Variants in PAQR5 observed in about 807,000 individuals in gnomAD.
The protein encoded by PAQR5 is membrane progestin receptor gamma.
Under a neutral mutation model 34.5 loss-of-function variants are expected in PAQR5, and 20 were observed. That is an observed-to-expected ratio of 0.58 (90% CI 0.41 to 0.84). PAQR5 has a LOEUF of 0.84. Ranked by LOEUF, PAQR5 falls within the 40% of genes least tolerant of loss-of-function variation. PAQR5 has a pLI of 0.00. For synonymous variants in PAQR5, 131 were observed against 155.6 expected (o/e 0.84, Z 1.18); for missense variants, 378 against 412.7 (o/e 0.92, Z 0.73).
At chr15:69,324,645 C>G (rs969759281) in intron 1 of PAQR5, among the ~76,000 whole-genome samples, 7 of 152,272 alleles carry the variant, frequency 4.6e-5, no homozygotes, top group Middle Eastern at 3.4e-3. Flanking sequence ...TTTTCCCAGT[C>G]CCACTAGAGC....
chr15:69,339,181 C>G (rs543265016), intron 2 of PAQR5, among the ~76,000 whole-genome samples: 1 of 148,568 alleles, frequency 6.7e-6, no homozygotes, highest in Non-Finnish European at 1.5e-5. Flanking sequence ...CCCCCCACCC[C>G]GCCACCAAGT....
At chr15:69,387,590 C>T (rs1428354689) in intron 5 of PAQR5, among the ~76,000 whole-genome samples, 1 of 152,214 alleles carries the variant, frequency 6.6e-6, no homozygotes, top group East Asian at 1.9e-4. Context: ...TGAGGTAGGT[C>T]CTAGTGTCAT....
chr15:69,374,046 G>C (rs558802307), intron 3 of PAQR5, among the ~76,000 whole-genome samples: 2 of 149,210 alleles, frequency 1.3e-5, no homozygotes, highest in African/African-American at 5.1e-5. Context: ...AGCCAGAAGA[G>C]ACTTCTTCTG....
At chr15:69,391,486 A>G (rs1169681072) in intron 6 of PAQR5, 1 of 274,952 alleles carries the variant, frequency 3.6e-6, no homozygotes, top group African/African-American at 2.3e-5. Flanking sequence ...GGATGAAGGG[A>G]GGTATAACAG....
At chr15:69,300,571 C>CTT (rs2053511997) in intron 1 of PAQR5, among the ~76,000 whole-genome samples, 1 of 144,720 alleles carries the variant, frequency 6.9e-6, no homozygotes, top group East Asian at 2.1e-4. Flanking sequence ...TTCTTTCTTT[C>CTT]TCTTTCTTTC....
chr15:69,317,467 G>A (rs28396914), intron 1 of PAQR5, among the ~76,000 whole-genome samples: 6 of 152,124 alleles, frequency 3.9e-5, no homozygotes, highest in Non-Finnish European at 4.4e-5. Flanking sequence ...CCCCTACCCA[G>A]GTCCATGCAG....
At chr15:69,305,354 C>G (rs558074072) in intron 1 of PAQR5, among the ~76,000 whole-genome samples, 1 of 152,266 alleles carries the variant, frequency 6.6e-6, no homozygotes, top group South Asian at 2.1e-4. Flanking sequence ...TGTTCTCTTT[C>G]CAGCCCCTGT....
intron 1 of PAQR5, among the ~76,000 whole-genome samples, chr15:69,300,217 A>G (rs2053502192): frequency 6.6e-6 from 1 of 152,130 alleles, no homozygotes; most frequent in Non-Finnish European, 1.5e-5. Context: ...CACAAACTCC[A>G]GTCAGTAAGG....
intron 3 of PAQR5, among the ~76,000 whole-genome samples, chr15:69,367,252 T>A (rs756625587): frequency 1.3e-5 from 2 of 152,242 alleles, no homozygotes; most frequent in African/African-American, 2.4e-5. Context: ...TTTCTTTGGA[T>A]TGAGTTTTAC....
intron 2 of PAQR5, among the ~76,000 whole-genome samples, chr15:69,352,583 G>A (rs2054949726): frequency 6.6e-6 from 1 of 152,218 alleles, no homozygotes; most frequent in African/African-American, 2.4e-5. Flanking sequence ...ACCGGGGCCT[G>A]CCGTCCAGAT....
rs201954386 is a variant in PAQR5 at position 69,380,014 on chromosome 15, C to A, written c.179+4C>A. 175 of 1,613,994 alleles carry A rather than the reference C, an allele frequency of 1.1e-4. No homozygotes were observed. In the East Asian group the frequency reaches 2.8e-3, roughly 25 times the overall value. ...GGACTCACTTGCTGCCCTTCTGGTA[C>A]CTTCTGGCCCCCTCGACCGGCCTGT... On this transcript the variant is annotated splice_donor_region_variant and intron_variant, in intron 4 of 8. Transcript: ENST00000395407.
In PAQR5 at chr15:69,359,972, G is replaced by A. The variant is rs756410431; in HGVS notation, c.-109G>A. The A allele has an allele frequency of 2.4e-5, 19 of 794,944 alleles. No individual in the cohort carries two copies. The highest frequency in any genetic ancestry group is 3.7e-5 in the Non-Finnish European group (17 of 463,182). 49.2% of individuals were successfully genotyped at this position (794,944 alleles called of 1,614,324 possible). On this transcript the variant is annotated 5_prime_UTR_variant, in exon 3 of 9. Coordinates refer to ENST00000395407, the MANE Select transcript of PAQR5 (RefSeq NM_017705.4). ...TCATGCTGTCCTCTTTCAGGGAAGC[G>A]GCACAGCACCAGCTAGGCAGAGACG...
At chr15:69,329,711 C>T (rs1417570251) in intron 1 of PAQR5, among the ~76,000 whole-genome samples, 1 of 151,966 alleles carries the variant, frequency 6.6e-6, no homozygotes, top group Non-Finnish European at 1.5e-5. Context: ...TCTTGAACTC[C>T]TGAGCTCAGG....
intron 3 of PAQR5, among the ~76,000 whole-genome samples, chr15:69,370,563 A>T (rs188232068): frequency 3.3e-5 from 5 of 152,288 alleles, no homozygotes; most frequent in Admixed American, 3.3e-4. Flanking sequence ...CTTGTTGCCC[A>T]GGCTGGAGTG....
rs1017318369 is a variant in PAQR5 at position 69,355,640 on chromosome 15, C to T, written c.-115-4326C>T. Among the ~76,000 whole-genome samples the T allele has an allele frequency of 7.9e-5, 12 of 152,032 alleles. 1 individual carries two copies. In the South Asian group the frequency reaches 2.5e-3, roughly 32 times the overall value. ...TTCACCATGTTGGTCAGGCTGGTCT[C>T]GAACTCCTGACCTCAGGTGATCCAC... On this transcript the variant is annotated intron_variant, in intron 2 of 8. Transcript: ENST00000395407.
chr15:69,381,886 G>A (rs927726684), intron 4 of PAQR5, among the ~76,000 whole-genome samples: 1 of 152,222 alleles, frequency 6.6e-6, no homozygotes, highest in Non-Finnish European at 1.5e-5. Context: ...AAGCTTTGTA[G>A]AGTCTCCTCC....
At position 69,389,770 on chromosome 15, in the gene PAQR5, T is replaced by A; in HGVS notation, c.502T>A (p.Cys168Ser). 1.2e-6 allele frequency: 2 copies of A among 1,614,020 alleles called. No homozygotes were observed. Among genetic ancestry groups the A allele is most frequent in the Non-Finnish European group, 1.7e-6 (2 of 1,179,958 alleles). The change falls in exon 6 of 9, where the codon TGC becomes AGC. Residue 168 changes from cysteine (C) to serine (S), a missense_variant. Cys to Ser is a moderately radical substitution (Grantham distance 112). Transcript: ENST00000395407. Reference sequence around the variant, plus strand: ...CACCATCCTCAGCACAGGCCTCTCCTGCTACTCCAGGTACTGGTCGCTCTG... The same window carrying A: ...CACCATCCTCAGCACAGGCCTCTCCAGCTACTCCAGGTACTGGTCGCTCTG... The part of the protein sequence containing the change: ...LNTILSTGLS[C>S]YSRFLEIQKP...
At chr15:69,346,645 A>C (rs1271014788) in intron 2 of PAQR5, among the ~76,000 whole-genome samples, 4 of 143,314 alleles carry the variant, frequency 2.8e-5, no homozygotes, top group East Asian at 2.1e-4. Flanking sequence ...TTTTGAGTAC[A>C]CAATTTTACT....
At chr15:69,382,643 CA>C (rs142759309) in intron 4 of PAQR5, among the ~76,000 whole-genome samples, 69,899 of 74,706 alleles carry the variant, frequency 0.94, 32,572 homozygotes, top group Middle Eastern at 0.97. Context: ...GACTCTGTCT[CA>C]AAAAAAAAAA....
Sources: allele counts gnomAD v4.1 joint callset (sites outside exome capture counted in the v4.1 genomes callset), GRCh38; gene constraint gnomAD v4.1.1; transcripts MANE v1.5; gene names NCBI Gene and HGNC (gene_info 2026-07-23, HGNC 2026-07-21).